TCTN3: variants seen among roughly 807,000 people sequenced by gnomAD.
The protein encoded by TCTN3 is tectonic family member 3, also known as tectonic-3.
TCTN3 carries 57 observed loss-of-function variants against 71.3 expected under a neutral mutation model. The observed-to-expected ratio is 0.80, with a 90% confidence interval of 0.65 to 1.00. TCTN3 has a LOEUF of 1.00. TCTN3 is among the 50% of genes least tolerant of loss of function. TCTN3 has a pLI of 0.00. For synonymous variants in TCTN3, 258 were observed against 267.8 expected, an observed-to-expected ratio of 0.96 and a Z score of 0.36; for missense variants, 696 against 719.9, an observed-to-expected ratio of 0.97 and a Z score of 0.38.
chr10:95,680,690 C>A (rs2097942168), intron 12 of TCTN3, 81 bp from the exon 13 acceptor site: 1 of 1,510,118 alleles, frequency 6.6e-7, no homozygotes, highest in Admixed American at 2.1e-5. Flanking sequence ...GCCATTGTTT[C>A]TTAAGCATTA....
intron 13 of TCTN3, among the ~76,000 whole-genome samples, chr10:95,666,665 G>C (rs1158217712): frequency 1.3e-5 from 2 of 152,166 alleles, no homozygotes; most frequent in East Asian, 1.9e-4. Flanking sequence ...GAAATACTTT[G>C]GGATGGGAAA....
intron 3 of TCTN3, among the ~76,000 whole-genome samples, chr10:95,689,100 C>CT (rs1192628539): frequency 6.6e-6 from 1 of 152,110 alleles, no homozygotes; most frequent in Non-Finnish European, 1.5e-5. Context: ...TTTCAGCTTG[C>CT]TGAAAAGTCA....
Position 95,687,714 on chromosome 10 carries a change from A to C in TCTN3, c.505T>G (p.Leu169Val). The C allele has an allele frequency of 6.2e-7, 1 of 1,609,228 alleles. No homozygotes were observed. The highest frequency in any genetic ancestry group is 1.1e-5 in the South Asian group (1 of 89,478). The change falls in exon 4 of 14, where the codon TTA becomes GTA. Residue 169 changes from leucine to valine, a missense_variant. Physicochemically the swap from Leu to Val is conservative, Grantham distance 32 (BLOSUM62 1). Coordinates refer to ENST00000371217, the MANE Select transcript of TCTN3 (RefSeq NM_015631.6). ...QFCVHVNNSN[L>V]NYFQKLQKVN... is the part of the protein sequence containing the mutation. ...TTTTGAAGCTTCTGGAAATAGTTTA[A>C]GTTTGCTAAAATGTTTTTTAAAAGA...
chr10:95,678,822 A>G (rs1230302006), intron 13 of TCTN3, among the ~76,000 whole-genome samples: 1 of 152,196 alleles, frequency 6.6e-6, no homozygotes, highest in Non-Finnish European at 1.5e-5. Flanking sequence ...ACTATAAGAT[A>G]TAAGTATCAT....
chr10:95,670,061 C>CAAAAAAAAAAAA (rs34609339), intron 13 of TCTN3, among the ~76,000 whole-genome samples: 9 of 81,078 alleles, frequency 1.1e-4, no homozygotes, highest in South Asian at 5.0e-4. Flanking sequence ...GACTCCGTCT[C>CAAAAAAAAAAAA]AAAAAAAAAA....
chr10:95,673,716 G>C (rs772433772), intron 13 of TCTN3, among the ~76,000 whole-genome samples: 2 of 152,056 alleles, frequency 1.3e-5, no homozygotes, highest in Non-Finnish European at 2.9e-5. Flanking sequence ...GCATGTGCCT[G>C]TAGTCCTAGC....
At chr10:95,680,778 CTTTTTT>C in intron 12 of TCTN3, among the ~76,000 whole-genome samples, 169 bp from the exon 13 acceptor site, 1 of 134,292 alleles carries the variant, frequency 7.4e-6, no homozygotes, top group African/African-American at 2.8e-5. Flanking sequence ...TATTCCTGAT[CTTTTTT>C]TTTTTTTTTT....
At chr10:95,684,352 G>A (rs921138134) in intron 9 of TCTN3, 147 bp downstream of exon 9, 6 of 966,798 alleles carry the variant, frequency 6.2e-6, no homozygotes, top group Non-Finnish European at 5.7e-6. Context: ...TAAAATTATG[G>A]AATATTAAAT....
intron 12 of TCTN3, 114 bp from the exon 13 acceptor site, chr10:95,680,723 T>A: frequency 7.9e-7 from 1 of 1,259,606 alleles, no homozygotes; most frequent in Non-Finnish European, 1.1e-6. Flanking sequence ...GAAGGCAATG[T>A]AGCTTAGTGG....
chr10:95,683,135 A>G lies in TCTN3; in HGVS notation c.1264T>C (p.Phe422Leu). 3 of 1,614,084 alleles carry G rather than the reference A, an allele frequency of 1.9e-6. No homozygotes were observed. The South Asian group carries it at 3.3e-5, about 18-fold the overall frequency. Residue 422 changes from phenylalanine to leucine, a missense_variant, in exon 11 of 14, where the codon TTT (phenylalanine) becomes CTT (leucine). Transcript: ENST00000371217. ...CATCCAGATATTGCATTCACTCCAA[A>G]CTGCACTTCATGTCTTTTAACAGAG... ...SCSVKRHEVQFGVNAISGCKL... is the reference protein window; with the variant it reads ...SCSVKRHEVQLGVNAISGCKL...
intron 3 of TCTN3, among the ~76,000 whole-genome samples, chr10:95,689,353 T>C (rs2097951581): frequency 1.3e-5 from 2 of 152,222 alleles, no homozygotes; most frequent in African/African-American, 2.4e-5. Context: ...AAACAGGTGA[T>C]GTTGATGCTG....
chr10:95,693,924 G>A lies in TCTN3; in HGVS notation c.-25C>T, dbSNP rs2097956503. The A allele has an allele frequency of 5.8e-6, 9 of 1,551,406 alleles. No individual in the cohort carries two copies. Among genetic ancestry groups the A allele is most frequent in the Non-Finnish European group, 7.0e-6 (8 of 1,146,958 alleles). On this transcript the variant is annotated 5_prime_UTR_variant, in exon 1 of 14. Coordinates refer to ENST00000371217, the MANE Select transcript of TCTN3 (RefSeq NM_015631.6). ...TGGGGCATTCAGGGCCTCCGGGTCC[G>A]ACGTAGGCCTCCGCGGTCTCCAATC... is the stretch of plus-strand genomic sequence containing the variant.
Position 95,680,533 on chromosome 10 carries a change from A to G in TCTN3, c.1529T>C (p.Leu510Pro), listed in dbSNP as rs576518466. ...TGATACATGAGCTTGCGGGTTGGAC[A>G]GGAGACCTACATATGCCCACAATAC... Reference protein sequence around the residue: ...IQVLWAYVGLLSNPQAHVSGV... With the variant: ...IQVLWAYVGLPSNPQAHVSGV... The change falls in exon 13 of 14, where the codon CTG becomes CCG. Residue 510 changes from leucine to proline, a missense_variant. Leu to Pro is a moderately conservative substitution (Grantham distance 98). Transcript: ENST00000371217. 6.2e-7 allele frequency: 1 copy of G among 1,614,174 alleles called. No individual in the cohort carries two copies. Among genetic ancestry groups the G allele is most frequent in the East Asian group, 2.2e-5 (1 of 44,876 alleles).
At chr10:95,686,341 G>A (rs998786911) in intron 7 of TCTN3, among the ~76,000 whole-genome samples, 154 bp downstream of exon 7, 1 of 152,218 alleles carries the variant, frequency 6.6e-6, no homozygotes, top group Non-Finnish European at 1.5e-5. Context: ...TGTATAGGAC[G>A]TACTTGCAAA....
intron 12 of TCTN3, 22 bp downstream of exon 12, chr10:95,682,629 G>A (rs372608317): frequency 1.2e-6 from 2 of 1,601,218 alleles, no homozygotes; most frequent in South Asian, 1.1e-5. Context: ...GTCTTCATCA[G>A]AAAGTATATT....
chr10:95,693,361 G>C lies in TCTN3; in HGVS notation c.372C>G (p.Gly124=). The C allele has an allele frequency of 6.4e-7, 1 of 1,551,838 alleles. No individual in the cohort carries two copies. Among genetic ancestry groups the C allele is most frequent in the Non-Finnish European group, 8.7e-7 (1 of 1,147,008 alleles). Reference sequence around the variant, plus strand: ...TGAGCAACGAAGCTCACCTTACGCTGCCTGGAAGGCAGAAGGAGAAAACTG... The same window carrying C: ...TGAGCAACGAAGCTCACCTTACGCTCCCTGGAAGGCAGAAGGAGAAAACTG... ...PRTVFSFCLP[G]SVRSSSWVCV... The change falls in exon 2 of 14, where the codon GGC becomes GGG. Residue 124 remains glycine (G), a synonymous_variant. Transcript: ENST00000371217.
intron 12 of TCTN3, 131 bp downstream of exon 12, chr10:95,682,520 T>C: frequency 2.7e-6 from 3 of 1,106,120 alleles, no homozygotes; most frequent in South Asian, 1.8e-5. Flanking sequence ...CAAGTGGGCA[T>C]GATTTCTTAT....
chr10:95,668,254 CCAAA>C (rs1566064363), intron 13 of TCTN3, among the ~76,000 whole-genome samples: 2 of 29,308 alleles, frequency 6.8e-5, no homozygotes, highest in Non-Finnish European at 1.7e-4. Flanking sequence ...AATAGGAGTG[CCAAA>C]AAAAAAAAAA....
Position 95,693,781 on chromosome 10 carries a change from C to T in TCTN3, c.119G>A (p.Arg40Gln), listed in dbSNP as rs1314333060. ...GAVPTSLELQ[R>Q]GTDGGTLQSP... ...CTGGAGGGTTCCGCCATCCGTCCCT[C>T]GCTGCAGCTCCAAAGACGTGGGCAC... Residue 40 changes from arginine (R) to glutamine (Q), a missense_variant, in exon 1 of 14, where the codon CGA becomes CAA. Arg to Gln is a conservative substitution (Grantham distance 43). Coordinates refer to ENST00000371217, the MANE Select transcript of TCTN3 (RefSeq NM_015631.6). 1.3e-6 allele frequency: 2 copies of T among 1,551,548 alleles called. No individual in the cohort carries two copies. Among genetic ancestry groups the T allele is most frequent in the Non-Finnish European group, 1.7e-6 (2 of 1,147,004 alleles).
Sources: gnomAD v4.1 joint callset for allele counts (sites outside exome capture counted in the v4.1 genomes callset) on GRCh38, gnomAD v4.1.1 for gene constraint, MANE v1.5 for transcripts, NCBI Gene and HGNC (gene_info 2026-07-23, HGNC 2026-07-21) for gene names.